Variants in NBPF9 observed in about 807,000 individuals in gnomAD.
NBPF9 encodes the protein NBPF member 9, also known as NBPF family member NBPF9.
NBPF9 carries 91 observed loss-of-function variants against 97.8 expected under a neutral mutation model. The ratio of observed to expected loss-of-function variants is 0.93; its 90% CI spans 0.79 to 1.11. The LOEUF (loss-of-function observed/expected upper bound fraction) is 1.11, where lower values mean the gene tolerates loss of function less well. Among genes scored for constraint, NBPF9 ranks in the 50% least tolerant of loss-of-function variants. The pLI, the probability that NBPF9 is intolerant of heterozygous loss-of-function variation, is 0.00. For missense variants in NBPF9, 992 were observed against 939.5 expected (o/e 1.06, Z -0.73); for synonymous variants, 334 against 359.5 (o/e 0.93, Z 0.80).
chr1:149,091,368 GA>G (rs2081394751), intron 4 of NBPF9, among the ~76,000 whole-genome samples: 2 of 144,802 alleles, frequency 1.4e-5, no homozygotes, highest in East Asian at 4.7e-4. Flanking sequence ...ATTTATACAA[GA>G]ATGTTCATAG....
Position 149,070,885 on chromosome 1 carries a change from C to T in NBPF9, c.1585+49G>A, listed in dbSNP as rs1553652748. 3 of 1,447,266 alleles carry T rather than the reference C, an allele frequency of 2.1e-6. No individual in the cohort carries two copies. The South Asian group carries it at 3.5e-5, about 17-fold the overall frequency. 89.7% of individuals were successfully genotyped at this position (1,447,266 alleles called of 1,614,324 possible). ...TATAGAGCCTGTCTTCAGAGTTTAT[C>T]TTCCTCAGCCTAGAGAGAGGTATGA... On this transcript the variant is annotated intron_variant, in intron 16 of 29. Coordinates refer to ENST00000584027, the Ensembl canonical transcript of NBPF9.
In NBPF9 at chr1:149,069,058, C is replaced by T. The variant is rs1295920877; in HGVS notation, c.1637+536G>A. ...AACAAAATGAAGGCAGAAATAAAGA[C>T]GTTCTTTGAAACCAATGAGAACAAA... On this transcript the variant is annotated intron_variant, in intron 17 of 29. Coordinates refer to ENST00000584027, the Ensembl canonical transcript of NBPF9. Among the ~76,000 whole-genome samples the T allele has an allele frequency of 7.6e-4, 115 of 152,218 alleles. 2 individuals carry two copies. Among genetic ancestry groups the T allele is most frequent in the South Asian group, 8.3e-4 (4 of 4,816 alleles).
At chr1:149,087,252 G>C (rs1553658818) in intron 5 of NBPF9, among the ~76,000 whole-genome samples, 1 of 148,964 alleles carries the variant, frequency 6.7e-6, no homozygotes, top group East Asian at 2.4e-4. Context: ...ATATATATGT[G>C]TGTGTGTGTG....
intron 16 of NBPF9, among the ~76,000 whole-genome samples, chr1:149,070,402 C>G (rs1287269557): frequency 6.7e-6 from 1 of 150,002 alleles, no homozygotes; most frequent in Non-Finnish European, 1.5e-5. Flanking sequence ...GGTGGAGAAC[C>G]AGGGTCCAGC....
chr1:149,089,596 G>T (rs1407837643), intron 5 of NBPF9, among the ~76,000 whole-genome samples: 4 of 152,308 alleles, frequency 2.6e-5, no homozygotes, highest in East Asian at 1.9e-4. Context: ...AGGAGGAGGG[G>T]ATGTTATGGG....
chr1:149,059,369 ACT>A, intron 25 of NBPF9: 1 of 443,748 alleles, frequency 2.3e-6, no homozygotes, highest in Non-Finnish European at 4.2e-6. Flanking sequence ...GTAAAAGGAC[ACT>A]CTGAGTTCGT....
chr1:149,101,745 A>G (rs1383595572), intron 2 of NBPF9, among the ~76,000 whole-genome samples: 4 of 151,926 alleles, frequency 2.6e-5, no homozygotes, highest in African/African-American at 4.8e-5. Flanking sequence ...GGTAACCAGA[A>G]TATCCCTGCT....
At position 149,073,850 on chromosome 1, in the gene NBPF9, G is replaced by C. The variant is rs1553653627; in HGVS notation, c.1009C>G (p.Leu337Val). The C allele has an allele frequency of 2.0e-5, 29 of 1,462,270 alleles. 2 individuals carry two copies. Among genetic ancestry groups the C allele is most frequent in the Non-Finnish European group, 2.7e-5 (28 of 1,052,364 alleles). The allele number at this position is 1,462,270 out of a possible 1,614,324, so 90.6% of individuals were successfully genotyped here. The change falls in exon 13 of 30, where the codon CTC becomes GTC. Residue 337 changes from leucine to valine, a missense_variant. Physicochemically the swap from Leu to Val is conservative, Grantham distance 32. Transcript: ENST00000584027. Reference sequence around the variant, plus strand: ...TCATTCCTCAGCATAAATTTTATGAGGTCTTTACACTCTTCATACTCTGAG... The same window carrying C: ...TCATTCCTCAGCATAAATTTTATGACGTCTTTACACTCTTCATACTCTGAG...
chr1:149,070,764 G>A (rs587606873), intron 16 of NBPF9, among the ~76,000 whole-genome samples, 170 bp downstream of exon 16: 1 of 152,200 alleles, frequency 6.6e-6, no homozygotes, highest in East Asian at 1.9e-4. Flanking sequence ...CTGGGGACTG[G>A]CAGACAAAGG....
intron 1 of NBPF9, 125 bp downstream of exon 1, chr1:149,103,176 C>CG (rs1295798012): frequency 5.3e-5 from 8 of 150,336 alleles, no homozygotes; most frequent in African/African-American, 1.9e-4. Context: ...CACGCCCTCC[C>CG]AACCCCCCAC....
At chr1:149,097,490 C>A (rs1178464501) in intron 4 of NBPF9, among the ~76,000 whole-genome samples, 4 of 152,228 alleles carry the variant, frequency 2.6e-5, no homozygotes, top group Non-Finnish European at 4.4e-5. Flanking sequence ...ACCTTCCCTG[C>A]TGCTCCTTGT....
In NBPF9 at chr1:149,081,936, T is replaced by C. The variant is rs782138128; in HGVS notation, c.175+29A>G. 6.0e-6 allele frequency: 9 copies of C among 1,491,932 alleles called. No homozygotes were observed. The African/African-American group carries it at 8.5e-5, about 14-fold the overall frequency. 92.4% of individuals were successfully genotyped at this position (1,491,932 alleles called of 1,614,324 possible). On this transcript the variant is annotated intron_variant, in intron 7 of 29. Coordinates refer to ENST00000584027, the Ensembl canonical transcript of NBPF9. ...GAGAAGACAGGACATCATTCATCAC[T>C]TTCATGACGGTGAGCCTATAGATCT...
chr1:149,099,452 A>T (rs2082002516), intron 3 of NBPF9, among the ~76,000 whole-genome samples: 1 of 152,352 alleles, frequency 6.6e-6, no homozygotes, highest in East Asian at 1.9e-4. Context: ...TAGTATGTTC[A>T]TTCATTCATT....
chr1:149,072,828 T>C lies in NBPF9; in HGVS notation c.1196A>G (p.Gln399Arg), dbSNP rs782544266. The change falls in exon 14 of 30, where the codon CAG (glutamine) becomes CGG (arginine). Residue 399 changes from glutamine to arginine, a missense_variant. Gln to Arg is a conservative substitution (Grantham distance 43). Around this residue, in one of 11 missense-constraint regions of NBPF9, gnomAD observed 187 missense variants for 149.6 expected, o/e 1.25. Transcript: ENST00000584027. ...CGGCTCATCCGGAGTGAGGAGGGCC[T>C]GGAGATGCTCATTCAATGAGCGGGA... 5.0e-6 allele frequency: 8 copies of C among 1,599,204 alleles called. 1 individual carries two copies. The highest frequency in any genetic ancestry group is 2.7e-5 in the African/African-American group (2 of 74,796).
exon 12 of NBPF9, chr1:149,075,681 A>G: frequency 1.2e-6 from 2 of 1,610,696 alleles, no homozygotes; most frequent in Non-Finnish European, 1.7e-6. Context: ...GTTGGCCAGG[A>G]AGCCGGCCAG....
chr1:149,082,041 C>T (rs782290872), exon 7 of NBPF9: 2 of 1,610,772 alleles, frequency 1.2e-6, no homozygotes, highest in African/African-American at 1.3e-5. Flanking sequence ...TTCCGAACTG[C>T]TGTTTGTTCT....
chr1:149,068,404 T>C (rs1439650313), intron 17 of NBPF9, among the ~76,000 whole-genome samples: 3 of 149,474 alleles, frequency 2.0e-5, no homozygotes, highest in Non-Finnish European at 4.4e-5. Flanking sequence ...GAGACACACA[T>C]AGGCTCAAAA....
intron 16 of NBPF9, 44 bp downstream of exon 16, chr1:149,070,890 T>A (rs1553652753): frequency 6.5e-7 from 1 of 1,548,886 alleles, no homozygotes; most frequent in East Asian, 2.2e-5. Flanking sequence ...TTTATCTTCC[T>A]CAGCCTAGAG....
At chr1:149,068,239 T>A (rs1489675151) in intron 17 of NBPF9, among the ~76,000 whole-genome samples, 16 of 149,056 alleles carry the variant, frequency 1.1e-4, no homozygotes, top group African/African-American at 1.0e-4. Flanking sequence ...AATAACCAGC[T>A]AACATCATAA....
Sources: gnomAD v4.1 joint callset for allele counts (sites outside exome capture counted in the v4.1 genomes callset) on GRCh38, gnomAD v4.1.1 for gene constraint, gnomAD v4.1.1 regional missense constraint, MANE v1.5 for transcripts, NCBI Gene and HGNC (gene_info 2026-07-23, HGNC 2026-07-21) for gene names.